Variants in ASCC3 observed in about 807,000 individuals in gnomAD.
The protein encoded by ASCC3 is activating signal cointegrator 1 complex subunit 3.
A neutral mutation model predicts 256.3 loss-of-function variants in ASCC3; 158 were observed. That is an observed-to-expected ratio of 0.62 (90% confidence interval 0.54 to 0.70). The LOEUF (loss-of-function observed/expected upper bound fraction) is 0.70. Among genes scored for constraint, ASCC3 ranks in the 30% least tolerant of loss-of-function variants. The pLI, the probability that ASCC3 is intolerant of heterozygous loss-of-function variation, is 0.00. For missense variants in ASCC3, 2,259 were observed against 2,626.0 expected (o/e 0.86, Z 3.05); for synonymous variants, 948 against 883.4 (o/e 1.07, Z -1.30).
intron 3 of ASCC3, among the ~76,000 whole-genome samples, chr6:100,862,935 A>G (rs1274485845): frequency 6.6e-6 from 1 of 152,152 alleles, no homozygotes; most frequent in Non-Finnish European, 1.5e-5. Flanking sequence ...CAACACAGAG[A>G]GCAGCATGTG....
chr6:100,589,605 A>G (rs1293339258), intron 36 of ASCC3, 29 bp downstream of exon 36: 4 of 1,611,838 alleles, frequency 2.5e-6, no homozygotes, highest in Non-Finnish European at 3.4e-6. Flanking sequence ...AAATTAAAAG[A>G]GAAGATATGA....
chr6:100,722,779 A>G (rs560356911), intron 11 of ASCC3, among the ~76,000 whole-genome samples: 1 of 151,918 alleles, frequency 6.6e-6, no homozygotes. Context: ...CACATAAATA[A>G]ATGTGGAATG....
intron 4 of ASCC3, among the ~76,000 whole-genome samples, chr6:100,839,199 T>G (rs767103626): frequency 6.6e-6 from 1 of 152,074 alleles, no homozygotes; most frequent in Non-Finnish European, 1.5e-5. Context: ...AATGTATGTA[T>G]GAAAGATCCA....
intron 13 of ASCC3, among the ~76,000 whole-genome samples, chr6:100,695,420 C>T (rs1778036893): frequency 6.6e-6 from 1 of 152,138 alleles, no homozygotes; most frequent in Admixed American, 6.5e-5. Context: ...CCCTTCCAGA[C>T]ACCTTGGGTC....
chr6:100,684,776 T>C (rs114454377), intron 13 of ASCC3, among the ~76,000 whole-genome samples: 2,213 of 151,616 alleles, frequency 0.015, 47 homozygotes, highest in African/African-American at 0.05. Context: ...GGTAGGAATA[T>C]TTAATGTGAA....
intron 37 of ASCC3, among the ~76,000 whole-genome samples, chr6:100,532,640 T>A (rs1034316109): frequency 2.0e-5 from 3 of 151,714 alleles, no homozygotes; most frequent in Non-Finnish European, 2.9e-5. Flanking sequence ...GGGTTGATAT[T>A]AACAAAGGAA....
chr6:100,681,740 A>AAAAG (rs1777316300), intron 13 of ASCC3, among the ~76,000 whole-genome samples: 1 of 151,096 alleles, frequency 6.6e-6, no homozygotes, highest in African/African-American at 2.4e-5. Context: ...AAAAAAAAAA[A>AAAAG]AAAAAAAGAA....
intron 4 of ASCC3, among the ~76,000 whole-genome samples, chr6:100,831,890 TAAA>T (rs1771635256): frequency 6.6e-6 from 1 of 151,940 alleles, no homozygotes; most frequent in Non-Finnish European, 1.5e-5. Flanking sequence ...ACAAAAAAGT[TAAA>T]GAAGAACTGG....
At chr6:100,731,197 G>A (rs1008528301) in intron 10 of ASCC3, among the ~76,000 whole-genome samples, 1 of 152,076 alleles carries the variant, frequency 6.6e-6, no homozygotes, top group African/African-American at 2.4e-5. Flanking sequence ...GGGGAGAGAC[G>A]TTCTCCTATT....
At chr6:100,591,411 T>C (rs892234186) in intron 34 of ASCC3, among the ~76,000 whole-genome samples, 1 of 152,016 alleles carries the variant, frequency 6.6e-6, no homozygotes, top group East Asian at 1.9e-4. Flanking sequence ...TTGCAAGAAA[T>C]GAAATTCATC....
chr6:100,796,349 T>C (rs1439006073), intron 8 of ASCC3, among the ~76,000 whole-genome samples: 1 of 152,140 alleles, frequency 6.6e-6, no homozygotes, highest in African/African-American at 2.4e-5. Context: ...TGGACATTTA[T>C]TAAACAGAAT....
At chr6:100,597,204 T>C (rs917235707) in intron 34 of ASCC3, among the ~76,000 whole-genome samples, 3 of 152,162 alleles carry the variant, frequency 2.0e-5, no homozygotes, top group Admixed American at 6.6e-5. Context: ...TATCCTGTTT[T>C]CCTTCTAAAC....
rs370335942 is a variant in ASCC3, at chr6:100,638,707, T to C, written c.4016A>G (p.Tyr1339Cys). The C allele has an allele frequency of 3.1e-6, 5 of 1,613,948 alleles. No homozygotes were observed. Among genetic ancestry groups the C allele is most frequent in the East Asian group, 4.5e-5 (2 of 44,878 alleles). ...AAGTAGGACATTACAATCCGTGTGATACAATGTATGAAATATTTGTGTCTG... is the reference window on the plus strand; with the variant it reads ...AAGTAGGACATTACAATCCGTGTGACACAATGTATGAAATATTTGTGTCTG... ...PVQTQIFHTLYHTDCNVLLGA... is the reference protein window; with the variant it reads ...PVQTQIFHTLCHTDCNVLLGA... Residue 1339 changes from tyrosine to cysteine, a missense_variant, in exon 25 of 42, where the codon TAT (tyrosine) becomes TGT (cysteine). Around this residue, in one of 2 missense-constraint regions of ASCC3, gnomAD observed 1,839 missense variants for 2,206.7 expected, o/e 0.83. Transcript: ENST00000369162.
chr6:100,518,318 T>C (rs1428821202), intron 37 of ASCC3, among the ~76,000 whole-genome samples, 176 bp from the exon 38 acceptor site: 1 of 152,144 alleles, frequency 6.6e-6, no homozygotes, highest in Non-Finnish European at 1.5e-5. Flanking sequence ...AGGGAACAAA[T>C]CTGATCATAG....
In ASCC3 at chr6:100,848,514, A is replaced by T; in HGVS notation, c.435T>A (p.Asp145Glu). Residue 145 changes from aspartate to glutamate, a missense_variant, in exon 4 of 42, where the codon GAT becomes GAA. By Grantham distance (45) the Asp-to-Glu change is conservative (BLOSUM62 2). Coordinates refer to ENST00000369162, the MANE Select transcript of ASCC3 (RefSeq NM_006828.4). ...NRIISHFSQDDLTALVQMTEK... is the reference protein window; with the variant it reads ...NRIISHFSQDELTALVQMTEK... ...CTGTCATCTGCACAAGAGCAGTAAGATCATCTTGACTAAAATGAGAAATAA... is the reference window on the plus strand; with the variant it reads ...CTGTCATCTGCACAAGAGCAGTAAGTTCATCTTGACTAAAATGAGAAATAA... The T allele has an allele frequency of 6.2e-7, 1 of 1,614,114 alleles. No individual in the cohort carries two copies. Among genetic ancestry groups the T allele is most frequent in the South Asian group, 1.1e-5 (1 of 91,072 alleles).
In ASCC3 at chr6:100,767,041, AGT is replaced by A; in HGVS notation, c.1596+102_1596+103del. On this transcript the variant is annotated intron_variant, in intron 9 of 41. Coordinates refer to ENST00000369162, the MANE Select transcript of ASCC3 (RefSeq NM_006828.4). The stretch of plus-strand genomic sequence containing the variant: ...AAACAGTATTACTTATCTGACTTCA[AGT>A]ACAATATCTTTAAGAACTTTCAAAT... The A allele has an allele frequency of 1.1e-5, 13 of 1,172,370 alleles. 1 individual carries two copies. The South Asian group carries it at 1.4e-4, about 13-fold the overall frequency. 72.6% of individuals were successfully genotyped at this position (1,172,370 alleles called of 1,614,324 possible).
At chr6:100,648,900 C>A (rs1351093790) in intron 20 of ASCC3, among the ~76,000 whole-genome samples, 1 of 151,740 alleles carries the variant, frequency 6.6e-6, no homozygotes, top group African/African-American at 2.4e-5. Context: ...AAGTCTATAA[C>A]ATGTACAGTC....
intron 8 of ASCC3, among the ~76,000 whole-genome samples, chr6:100,797,191 T>C (rs1449805841): frequency 6.6e-6 from 1 of 152,182 alleles, no homozygotes; most frequent in African/African-American, 2.4e-5. Flanking sequence ...GGCTCATGCC[T>C]GTAATCTCAG....
At chr6:100,566,528 A>G (rs1368045404) in intron 36 of ASCC3, among the ~76,000 whole-genome samples, 1 of 152,164 alleles carries the variant, frequency 6.6e-6, no homozygotes, top group Non-Finnish European at 1.5e-5. Context: ...AAGTCAACAG[A>G]AGGGTATTAC....
Sources: allele counts gnomAD v4.1 joint callset (sites outside exome capture counted in the v4.1 genomes callset), GRCh38; gene constraint gnomAD v4.1.1; regional missense constraint gnomAD v4.1.1; transcripts MANE v1.5; gene names NCBI Gene and HGNC (gene_info 2026-07-23, HGNC 2026-07-21).